ADCY9: variants seen among roughly 807,000 people sequenced by gnomAD.
ADCY9 encodes the protein adenylate cyclase 9.
ADCY9 carries 50 observed loss-of-function variants against 101.5 expected under a neutral mutation model. That is an observed-to-expected ratio of 0.49 (90% CI 0.39 to 0.62). The LOEUF (loss-of-function observed/expected upper bound fraction) is 0.62. Among genes scored for constraint, ADCY9 ranks in the 20% least tolerant of loss-of-function variants. The pLI, the probability that ADCY9 is intolerant of heterozygous loss-of-function variation, is 0.00. For synonymous variants in ADCY9, 905 were observed against 769.3 expected, an observed-to-expected ratio of 1.18 and a Z score of -2.92; for missense variants, 1,662 against 1,800.4, an observed-to-expected ratio of 0.92 and a Z score of 1.39.
chr16:4,076,719 A>G (rs1349193458), intron 2 of ADCY9, among the ~76,000 whole-genome samples: 3 of 152,342 alleles, frequency 2.0e-5, no homozygotes, highest in Non-Finnish European at 4.4e-5. Context: ...AAATGGCATC[A>G]ATAATTTTTT....
chr16:4,036,843 C>T (rs1239025605), intron 2 of ADCY9, among the ~76,000 whole-genome samples: 4 of 152,002 alleles, frequency 2.6e-5, no homozygotes, highest in African/African-American at 9.7e-5. Flanking sequence ...CTTATTCCTT[C>T]TACGTTACTG....
intron 2 of ADCY9, among the ~76,000 whole-genome samples, chr16:4,076,875 G>A (rs1383106430): frequency 6.6e-6 from 1 of 152,078 alleles, no homozygotes. Context: ...TGAGGAGTCC[G>A]AGACCAGCTT....
chr16:3,958,090 A>T (rs2055917363), downstream of ADCY9, among the ~76,000 whole-genome samples: 1 of 152,128 alleles, frequency 6.6e-6, no homozygotes, highest in African/African-American at 2.4e-5. Flanking sequence ...CTGGGTCCCC[A>T]ACCATCGGCT....
intron 3 of ADCY9, among the ~76,000 whole-genome samples, chr16:3,995,610 T>A (rs927761886): frequency 9.9e-5 from 15 of 152,136 alleles, no homozygotes; most frequent in African/African-American, 3.1e-4. Flanking sequence ...TATATTTTTT[T>A]TTTTTTTTGG....
At chr16:4,108,830 C>G (rs531423715) in intron 2 of ADCY9, among the ~76,000 whole-genome samples, 1 of 151,782 alleles carries the variant, frequency 6.6e-6, no homozygotes, top group East Asian at 2.0e-4. Context: ...CTCAGCATCC[C>G]GAGTAGCTGG....
chr16:3,994,584 T>C (rs2056272721), intron 3 of ADCY9, among the ~76,000 whole-genome samples: 1 of 152,156 alleles, frequency 6.6e-6, no homozygotes, highest in African/African-American at 2.4e-5. Context: ...GCCTCCTGAG[T>C]AGCTGCGATT....
At chr16:3,989,165 A>T in intron 5 of ADCY9, 69 bp from the exon 6 acceptor site, 1 of 1,213,240 alleles carries the variant, frequency 8.2e-7, no homozygotes, top group South Asian at 1.2e-5. Context: ...TTCAGATCAT[A>T]ATTAGCTACC....
chr16:4,076,107 T>A (rs1026018082), intron 2 of ADCY9, among the ~76,000 whole-genome samples: 2 of 152,122 alleles, frequency 1.3e-5, no homozygotes, highest in African/African-American at 4.8e-5. Context: ...GGTGGGAGGA[T>A]CACTTGAGCC....
At chr16:4,099,158 C>T (rs1171442016) in intron 2 of ADCY9, among the ~76,000 whole-genome samples, 3 of 152,040 alleles carry the variant, frequency 2.0e-5, no homozygotes, top group Non-Finnish European at 1.5e-5. Flanking sequence ...GTCTCAAACT[C>T]CTGACCTCAA....
At chr16:3,990,949 G>A (rs2056239182) in intron 5 of ADCY9, among the ~76,000 whole-genome samples, 1 of 152,140 alleles carries the variant, frequency 6.6e-6, no homozygotes, top group African/African-American at 2.4e-5. Flanking sequence ...ACAGGCACCC[G>A]CCACCACGCC....
In ADCY9 at chr16:4,064,671, G is replaced by A. The variant is rs151025147; in HGVS notation, c.1693+49079C>T. On this transcript the variant is annotated intron_variant, in intron 2 of 10. Coordinates refer to ENST00000294016, the MANE Select transcript of ADCY9 (RefSeq NM_001116.4). The stretch of plus-strand genomic sequence containing the variant: ...TAATTTATTTGTTTATAGAGACAGG[G>A]TCTCACCATGTTGCCCAGGCTGGTC... Among the ~76,000 whole-genome samples, 682 of 151,836 alleles carry A rather than the reference G, an allele frequency of 4.5e-3. 9 individuals are homozygous for A. Among genetic ancestry groups the A allele is most frequent in the African/African-American group, 0.015 (634 of 41,410 alleles).
At chr16:3,955,664 T>G (rs1372451048) in intron 5 of ADCY9, among the ~76,000 whole-genome samples, 1 of 151,972 alleles carries the variant, frequency 6.6e-6, no homozygotes, top group Non-Finnish European at 1.5e-5. Flanking sequence ...TTTTCCTGTC[T>G]CAGCCTCCAG....
intron 2 of ADCY9, among the ~76,000 whole-genome samples, chr16:4,022,490 CAA>C (rs58498676): frequency 0.012 from 785 of 64,868 alleles, no homozygotes; most frequent in African/African-American, 0.052. Context: ...GACTCCGTCT[CAA>C]AAAAAAAAAA....
In ADCY9 at chr16:3,963,523, G is replaced by A. The variant is rs975174316; in HGVS notation, c.*2252C>T. On this transcript the variant is annotated 3_prime_UTR_variant, in exon 11 of 11. Transcript: ENST00000294016. ...TGTTTGAAAGACAACGTTAAGCTCT[G>A]GGTGAGTCTGCACGGGGCTGAACCA... The A allele has an allele frequency of 7.8e-6, 3 of 386,440 alleles. No homozygotes were observed. The highest frequency in any genetic ancestry group is 6.2e-5 in the African/African-American group (3 of 48,162). 23.9% of individuals were successfully genotyped at this position (386,440 alleles called of 1,614,324 possible).
chr16:4,026,093 C>T (rs8049452), intron 2 of ADCY9, among the ~76,000 whole-genome samples: 52,226 of 152,050 alleles, frequency 0.34, 9,739 homozygotes, highest in East Asian at 0.49. Context: ...TGAGCAGATA[C>T]ATCAAGAAGT....
Position 3,992,024 on chromosome 16 carries a change from T to C in ADCY9, c.2207+122A>G, listed in dbSNP as rs1489250622. ...AGATAGAGGCTGCAGTGAGCCAAGA[T>C]CGCGCCACTGCACTGCAGCCTGGAT... On this transcript the variant is annotated intron_variant, in intron 5 of 10. Transcript: ENST00000294016. This position sits in a 1 kb window ranked among gnomAD's most constrained non-coding sequence, Gnocchi z 4.2. 2 of 917,590 alleles carry C rather than the reference T, an allele frequency of 2.2e-6. No homozygotes were observed. The highest frequency in any genetic ancestry group is 2.6e-5 in the Admixed American group (1 of 37,920). 56.8% of individuals were successfully genotyped at this position (917,590 alleles called of 1,614,324 possible).
At chr16:3,984,983 A>T (rs2056178518) in intron 6 of ADCY9, among the ~76,000 whole-genome samples, 1 of 152,096 alleles carries the variant, frequency 6.6e-6, no homozygotes, top group African/African-American at 2.4e-5. Context: ...GCCAGGCTGG[A>T]CCCTGCCAGG....
chr16:3,977,228 G>C (rs1424191051), intron 9 of ADCY9, among the ~76,000 whole-genome samples: 2 of 152,190 alleles, frequency 1.3e-5, no homozygotes, highest in Non-Finnish European at 2.9e-5. Context: ...GCAGCATTAT[G>C]TTTTCCAGGA....
At position 3,988,890 on chromosome 16, in the gene ADCY9, C is replaced by T. The variant is rs1597148382; in HGVS notation, c.2310+104G>A. Reference sequence around the variant, plus strand: ...CAGAGTGTGGGAAATCAATGTTCGCCTTCGTGTTCCCATCCCTTGGTAAAG... The same window carrying T: ...CAGAGTGTGGGAAATCAATGTTCGCTTTCGTGTTCCCATCCCTTGGTAAAG... On this transcript the variant is annotated intron_variant, in intron 6 of 10. Coordinates refer to ENST00000294016, the MANE Select transcript of ADCY9 (RefSeq NM_001116.4). 10 of 866,044 alleles carry T rather than the reference C, an allele frequency of 1.2e-5. No homozygotes were observed. In the South Asian group the frequency reaches 1.4e-4, roughly 13 times the overall value. 53.6% of individuals were successfully genotyped at this position (866,044 alleles called of 1,614,324 possible).
Sources: gnomAD v4.1 joint callset for allele counts (sites outside exome capture counted in the v4.1 genomes callset) on GRCh38, gnomAD v4.1.1 for gene constraint, Gnocchi (gnomAD v3.1) non-coding constraint, MANE v1.5 for transcripts, NCBI Gene and HGNC (gene_info 2026-07-23, HGNC 2026-07-21) for gene names.